Variants in DUSP22 observed in about 807,000 individuals in gnomAD.
The protein encoded by DUSP22 is dual specificity phosphatase 22.
Under a neutral mutation model 24.5 loss-of-function variants are expected in DUSP22, and 24 were observed. That is an observed-to-expected ratio of 0.98 (90% confidence interval 0.71 to 1.38). DUSP22 has a LOEUF of 1.38. DUSP22 is among the 40% of genes most tolerant of loss of function. DUSP22 has a pLI of 0.00. For synonymous variants in DUSP22, 160 were observed against 106.4 expected (o/e 1.50, Z -3.10); for missense variants, 330 against 269.2 (o/e 1.23, Z -1.58).
Position 348,734 on chromosome 6 carries a change from G to A in DUSP22, c.436-35G>A, listed in dbSNP as rs1272677827. On this transcript the variant is annotated intron_variant, in intron 6 of 6. Coordinates refer to ENST00000419235, the MANE Select transcript of DUSP22 (RefSeq NM_001286555.3). ...CACGTGGATGCAGACGTGCACATGT[G>A]TGTGACGTTTCGGGTTTGTTTCCAT... 5 of 1,613,694 alleles carry A rather than the reference G, an allele frequency of 3.1e-6. No homozygotes were observed. The South Asian group carries it at 3.3e-5, about 11-fold the overall frequency.
At chr6:296,009 GTCTT>G (rs1349142895) in intron 1 of DUSP22, among the ~76,000 whole-genome samples, 3 of 143,154 alleles carry the variant, frequency 2.1e-5, no homozygotes, top group African/African-American at 7.3e-5. Flanking sequence ...GATAGGAAAA[GTCTT>G]TCCTTTGAGC....
intron 6 of DUSP22, 129 bp from the exon 7 acceptor site, chr6:348,640 T>C: frequency 5.4e-6 from 8 of 1,475,322 alleles, no homozygotes; most frequent in Non-Finnish European, 7.4e-6. Flanking sequence ...GAGCTCTGAT[T>C]TCCCACTGCT....
In DUSP22 at chr6:349,846, G is replaced by C. The variant is rs1051398193; in HGVS notation, c.*895G>C. ...TTGCACTTGAGCTCTGTGGTGGGCA[G>C]GCGCACTTTAGCCTAAGTTGGGTGC... is the stretch of plus-strand genomic sequence containing the variant. On this transcript the variant is annotated 3_prime_UTR_variant, in exon 7 of 7. Transcript: ENST00000419235. The C allele has an allele frequency of 1.7e-5, 17 of 985,886 alleles. No individual in the cohort carries two copies. The highest frequency in any genetic ancestry group is 1.8e-5 in the Non-Finnish European group (15 of 830,322). The allele number at this position is 985,886 out of a possible 1,614,324, so 61.1% of individuals were successfully genotyped here.
At chr6:334,098 G>T (rs563787421) in intron 3 of DUSP22, among the ~76,000 whole-genome samples, 65 of 152,286 alleles carry the variant, frequency 4.3e-4, no homozygotes, top group Non-Finnish European at 8.1e-4. Flanking sequence ...GATGCGTTGC[G>T]TTGTAACTCC....
intron 3 of DUSP22, among the ~76,000 whole-genome samples, chr6:333,790 C>T (rs1351165574): frequency 6.6e-6 from 1 of 152,308 alleles, no homozygotes; most frequent in African/African-American, 2.4e-5. Flanking sequence ...GCCCACGAAG[C>T]CCACGTGTGC....
intron 1 of DUSP22, among the ~76,000 whole-genome samples, chr6:298,369 G>T (rs548476891): frequency 1.5e-4 from 23 of 152,416 alleles, no homozygotes; most frequent in African/African-American, 4.1e-4. Flanking sequence ...GACATAGAAA[G>T]AATTAAGATT....
intron 4 of DUSP22, among the ~76,000 whole-genome samples, chr6:342,153 A>C (rs888536290): frequency 6.6e-6 from 1 of 152,308 alleles, no homozygotes; most frequent in African/African-American, 2.4e-5. Context: ...GGCAGCTGCT[A>C]ACTTTCATGT....
At chr6:335,574 T>G (rs566936425) in intron 4 of DUSP22, among the ~76,000 whole-genome samples, 2 of 152,424 alleles carry the variant, frequency 1.3e-5, no homozygotes, top group African/African-American at 4.8e-5. Flanking sequence ...GGAGCCACAT[T>G]TTAAACAGCA....
chr6:304,381 T>C (rs1051749987), intron 1 of DUSP22, among the ~76,000 whole-genome samples: 25 of 152,294 alleles, frequency 1.6e-4, no homozygotes, highest in Admixed American at 6.5e-5. Context: ...CCACCAGCAC[T>C]GCAGGGCTGC....
At chr6:303,960 A>G (rs1056616733) in intron 1 of DUSP22, among the ~76,000 whole-genome samples, 13 of 152,424 alleles carry the variant, frequency 8.5e-5, no homozygotes, top group African/African-American at 3.1e-4. Flanking sequence ...ACATTTTGCA[A>G]CAAAGACGTG....
intron 2 of DUSP22, among the ~76,000 whole-genome samples, chr6:308,351 G>T (rs6905096): frequency 7.0e-3 from 1,057 of 152,058 alleles, no homozygotes; most frequent in African/African-American, 0.025. Flanking sequence ...ATTGTAGGTC[G>T]CCTTCCAGGA....
At chr6:304,600 C>T (rs1311828052) in intron 1 of DUSP22, 28 bp from the exon 2 acceptor site, 2 of 1,614,218 alleles carry the variant, frequency 1.2e-6, no homozygotes, top group Non-Finnish European at 1.7e-6. Context: ...GTCTGCCATG[C>T]TCATGTCTGT....
Position 348,274 on chromosome 6 carries a change from G to C in DUSP22, c.435G>C (p.Gln145His). Residue 145 changes from glutamine (Q) to histidine (H), a missense_variant and splice_region_variant, in exon 6 of 7, where the codon CAG becomes CAC. Physicochemically the swap from Gln to His is conservative, Grantham distance 24. Transcript: ENST00000419235. Reference protein sequence around the residue: ...LQEFEKHEVHQYRQWLKEEYG... With the variant: ...LQEFEKHEVHHYRQWLKEEYG... ...AGTTTGAGAAGCATGAGGTCCATCA[G>C]GTAAGCAGTTCTTAGGGGACATCAG... 1.2e-6 allele frequency: 2 copies of C among 1,614,278 alleles called. No homozygotes were observed. The highest frequency in any genetic ancestry group is 1.7e-6 in the Non-Finnish European group (2 of 1,180,050).
chr6:324,379 C>T (rs1758750894), intron 3 of DUSP22, among the ~76,000 whole-genome samples: 1 of 152,310 alleles, frequency 6.6e-6, no homozygotes, highest in African/African-American at 2.4e-5. Context: ...GGAACACGCT[C>T]TCCCACCCAC....
chr6:334,092 C>T (rs999639969), intron 3 of DUSP22, among the ~76,000 whole-genome samples: 4 of 152,298 alleles, frequency 2.6e-5, no homozygotes, highest in East Asian at 3.8e-4. Flanking sequence ...ACTGAAGATG[C>T]GTTGCGTTGT....
Position 349,081 on chromosome 6 carries a change from TC to T in DUSP22, c.*135del. On this transcript the variant is annotated 3_prime_UTR_variant, in exon 7 of 7. Coordinates refer to ENST00000419235, the MANE Select transcript of DUSP22 (RefSeq NM_001286555.3). ...AGGGCGAGGTGGGGCGAGGGCTCCT[TC>T]CCCCAAGCAACACCGCCCAGCCCTG... The T allele has an allele frequency of 1.4e-6, 2 of 1,470,132 alleles. No individual in the cohort carries two copies. The highest frequency in any genetic ancestry group is 1.8e-6 in the Non-Finnish European group (2 of 1,112,272). The allele number at this position is 1,470,132 out of a possible 1,614,324, so 91.1% of individuals were successfully genotyped here.
At chr6:315,054 T>C (rs1419118849) in intron 3 of DUSP22, among the ~76,000 whole-genome samples, 5 of 152,308 alleles carry the variant, frequency 3.3e-5, no homozygotes, top group Non-Finnish European at 7.3e-5. Context: ...CTGATGCGTC[T>C]TGGGTGGATG....
At chr6:315,459 C>T (rs1259068423) in intron 3 of DUSP22, among the ~76,000 whole-genome samples, 1 of 152,308 alleles carries the variant, frequency 6.6e-6, no homozygotes, top group African/African-American at 2.4e-5. Flanking sequence ...ACTCCTCTCC[C>T]AGACTGGGGA....
intron 3 of DUSP22, among the ~76,000 whole-genome samples, chr6:322,555 G>C (rs1354474609): frequency 6.6e-6 from 1 of 152,306 alleles, no homozygotes; most frequent in Non-Finnish European, 1.5e-5. Context: ...CTGGAAAGGG[G>C]AGACTAGGTG....
Sources: gnomAD v4.1 joint callset for allele counts (sites outside exome capture counted in the v4.1 genomes callset) on GRCh38, gnomAD v4.1.1 for gene constraint, MANE v1.5 for transcripts, NCBI Gene and HGNC (gene_info 2026-07-23, HGNC 2026-07-21) for gene names.